The following FAR2 variants were observed in gnomAD, a reference collection of about 807,000 sequenced individuals.
FAR2 encodes epididymis secretory protein Li 81.
Under a neutral mutation model 56.0 loss-of-function variants are expected in FAR2, and 19 were observed. The observed-to-expected ratio is 0.34, with a 90% CI of 0.24 to 0.50. The LOEUF is 0.50. Ranked by LOEUF, FAR2 falls within the 20% of genes least tolerant of loss-of-function variation. The pLI, the probability that FAR2 is intolerant of heterozygous loss-of-function variation, is 0.98. For missense variants in FAR2, 508 were observed against 642.2 expected (o/e 0.79, Z 2.26); for synonymous variants, 219 against 218.8 (o/e 1.00, Z -0.01).
At chr12:29,244,256 G>T (rs1030360188) in intron 1 of FAR2, among the ~76,000 whole-genome samples, 4 of 152,166 alleles carry the variant, frequency 2.6e-5, no homozygotes, top group African/African-American at 7.2e-5. Flanking sequence ...GAAAGAATGT[G>T]CCAATGAACA....
Position 29,309,232 on chromosome 12 carries a change from T to A in FAR2, c.768+2T>A. On this transcript the variant is annotated splice_donor_variant, in intron 6 of 11. Coordinates refer to ENST00000536681, the MANE Select transcript of FAR2 (RefSeq NM_001271783.2). LOFTEE classifies it high-confidence loss of function. ...GGACCTAATGGAATCATTATTGCGG[T>A]ATGTATAATGATGAAGAAATAACTC... 1 of 1,594,808 alleles carries A rather than the reference T, an allele frequency of 6.3e-7. No individual in the cohort carries two copies.
At chr12:29,304,257 T>C (rs752155078) in intron 4 of FAR2, among the ~76,000 whole-genome samples, 3 of 152,152 alleles carry the variant, frequency 2.0e-5, no homozygotes, top group African/African-American at 7.2e-5. Context: ...TTACATAGTA[T>C]AGAAATTGGC....
At chr12:29,297,343 T>C (rs761495864) in intron 4 of FAR2, 143 bp downstream of exon 4, 3 of 712,624 alleles carry the variant, frequency 4.2e-6, no homozygotes, top group Non-Finnish European at 6.9e-6. Flanking sequence ...CTTAGCTACC[T>C]TGTCCCTGCT....
At chr12:29,286,141 A>G (rs757873196) in intron 2 of FAR2, among the ~76,000 whole-genome samples, 20 of 152,092 alleles carry the variant, frequency 1.3e-4, no homozygotes, top group Non-Finnish European at 2.4e-4. Flanking sequence ...GAAATGGAGT[A>G]TTGCTGTGGA....
At chr12:29,281,689 G>T (rs1003467231) in intron 2 of FAR2, 3 of 151,398 alleles carry the variant, frequency 2.0e-5, no homozygotes, top group Non-Finnish European at 4.4e-5. Flanking sequence ...TGAACAAAAG[G>T]ATTAATGAAG....
chr12:29,284,746 A>G (rs1948841729), intron 2 of FAR2, among the ~76,000 whole-genome samples: 2 of 152,232 alleles, frequency 1.3e-5, no homozygotes, highest in Non-Finnish European at 2.9e-5. Flanking sequence ...TAAGAAAACA[A>G]AAACAAAACA....
At chr12:29,272,875 TC>T (rs1565499066) in intron 2 of FAR2, among the ~76,000 whole-genome samples, 1 of 152,276 alleles carries the variant, frequency 6.6e-6, no homozygotes, top group East Asian at 1.9e-4. Context: ...TGCTTGTTTT[TC>T]TTTCAATGGT....
chr12:29,270,859 G>A (rs937492193), intron 2 of FAR2, among the ~76,000 whole-genome samples: 1 of 152,196 alleles, frequency 6.6e-6, no homozygotes, highest in Non-Finnish European at 1.5e-5. Flanking sequence ...AGGTGAGATT[G>A]TCTATGTCTG....
chr12:29,233,116 A>G (rs560530397), intron 1 of FAR2, among the ~76,000 whole-genome samples: 2 of 152,272 alleles, frequency 1.3e-5, no homozygotes, highest in African/African-American at 4.8e-5. Flanking sequence ...CCCAGGTGAC[A>G]TAATTTTTAA....
chr12:29,321,567 T>C (rs1180694469), intron 9 of FAR2, among the ~76,000 whole-genome samples: 3 of 152,228 alleles, frequency 2.0e-5, no homozygotes, highest in Non-Finnish European at 2.9e-5. Context: ...AAAAGGAGTC[T>C]GGTATTAAAT....
At chr12:29,182,311 C>G (rs1316964582) in intron 1 of FAR2, among the ~76,000 whole-genome samples, 1 of 152,198 alleles carries the variant, frequency 6.6e-6, no homozygotes, top group African/African-American at 2.4e-5. Context: ...AGCTTTTATT[C>G]CCTTATTTGT....
intron 2 of FAR2, among the ~76,000 whole-genome samples, chr12:29,290,359 T>A (rs1340727084): frequency 6.6e-6 from 1 of 151,430 alleles, no homozygotes; most frequent in Non-Finnish European, 1.5e-5. Flanking sequence ...GGCAAGAGAA[T>A]CACTTGAACT....
intron 1 of FAR2, among the ~76,000 whole-genome samples, chr12:29,239,441 A>C (rs964388073): frequency 2.3e-5 from 3 of 131,400 alleles, no homozygotes; most frequent in African/African-American, 5.8e-5. Context: ...TGCCACAGCT[A>C]AATGAATCAA....
At chr12:29,174,652 C>T (rs527783001) in intron 1 of FAR2, among the ~76,000 whole-genome samples, 2 of 151,972 alleles carry the variant, frequency 1.3e-5, no homozygotes, top group Non-Finnish European at 2.9e-5. Flanking sequence ...GATCTCCTGA[C>T]CTCATGATCC....
Position 29,208,582 on chromosome 12 carries a change from T to C in FAR2, c.-39+59175T>C, listed in dbSNP as rs1565471638. ...TTACTGTGGTTGGCTTCACAAGAAG[T>C]GTAATTCTGCGTTATTCAGGTATCA... On this transcript the variant is annotated intron_variant, in intron 1 of 11. Coordinates refer to ENST00000536681, the MANE Select transcript of FAR2 (RefSeq NM_001271783.2). Among the ~76,000 whole-genome samples the C allele has an allele frequency of 2.0e-5, 3 of 152,176 alleles. No individual in the cohort carries two copies. In the South Asian group the frequency reaches 6.2e-4, roughly 31 times the overall value.
intron 1 of FAR2, among the ~76,000 whole-genome samples, chr12:29,204,758 C>G (rs564845752): frequency 6.6e-6 from 1 of 152,198 alleles, no homozygotes; most frequent in Non-Finnish European, 1.5e-5. Context: ...TCTTACATGG[C>G]CAGAGCAGGA....
intron 9 of FAR2, among the ~76,000 whole-genome samples, chr12:29,318,015 G>A (rs1323570552): frequency 2.6e-5 from 4 of 152,180 alleles, no homozygotes; most frequent in African/African-American, 7.2e-5. Flanking sequence ...CAGGACATAC[G>A]CCTTTATCTG....
intron 1 of FAR2, among the ~76,000 whole-genome samples, chr12:29,209,082 TAA>T (rs553750318): frequency 1.5e-5 from 2 of 137,444 alleles, no homozygotes; most frequent in Non-Finnish European, 1.6e-5. Flanking sequence ...GAACTAATCT[TAA>T]AAAAAAAAAA....
chr12:29,184,474 G>A lies in FAR2; in HGVS notation c.-39+35067G>A, dbSNP rs189739217. ...TTTTGAGATGGAGTCTCGCCCTGTC[G>A]CCCAGGCTGGAGTGCAGTGGCGCGA... On this transcript the variant is annotated intron_variant, in intron 1 of 11. Transcript: ENST00000536681. 7.8e-3 allele frequency among the ~76,000 whole-genome samples: 891 copies of A among 114,348 alleles called. 7 individuals are homozygous for A. The highest frequency in any genetic ancestry group is 0.028 in the African/African-American group (850 of 29,924). The allele number at this position is 114,348 out of a possible 152,430, so 75.0% of individuals were successfully genotyped here.
Sources: gnomAD v4.1 joint callset for allele counts (sites outside exome capture counted in the v4.1 genomes callset) on GRCh38, gnomAD v4.1.1 for gene constraint, MANE v1.5 for transcripts, NCBI Gene and HGNC (gene_info 2026-07-23, HGNC 2026-07-21) for gene names.